COTL1: variants seen among roughly 807,000 people sequenced by gnomAD.
The protein encoded by COTL1 is coactosin-like protein.
Under a neutral mutation model 16.5 loss-of-function variants are expected in COTL1, and 15 were observed. The ratio of observed to expected loss-of-function variants is 0.91; its 90% CI spans 0.61 to 1.40. The LOEUF is 1.40. Among genes scored for constraint, COTL1 ranks in the 40% most tolerant of loss-of-function variants. The pLI is 0.00. For synonymous variants in COTL1, 112 were observed against 85.3 expected (o/e 1.31, Z -1.73); for missense variants, 220 against 201.5 (o/e 1.09, Z -0.56).
chr16:84,611,606 C>A (rs1465088655), intron 2 of COTL1, among the ~76,000 whole-genome samples: 2 of 152,218 alleles, frequency 1.3e-5, no homozygotes, highest in East Asian at 3.8e-4. Flanking sequence ...TCAGTGCCTA[C>A]AGTCGTGCCC....
At chr16:84,591,054 C>T (rs1349363066) in intron 2 of COTL1, among the ~76,000 whole-genome samples, 7 of 152,082 alleles carry the variant, frequency 4.6e-5, no homozygotes, top group Non-Finnish European at 1.0e-4. Flanking sequence ...CATTGATCCA[C>T]ATTAAGTTTT....
At chr16:84,568,142 C>G (rs975597139) in intron 3 of COTL1, 1 of 152,330 alleles carries the variant, frequency 6.6e-6, no homozygotes, top group East Asian at 1.9e-4. Flanking sequence ...GAACTACAGG[C>G]GTCTGCCACC....
At chr16:84,576,447 C>G (rs116541010) in intron 3 of COTL1, 1 of 152,156 alleles carries the variant, frequency 6.6e-6, no homozygotes, top group South Asian at 2.1e-4. Context: ...GTTCTTCCCA[C>G]GAACACACAT....
intron 2 of COTL1, among the ~76,000 whole-genome samples, chr16:84,609,596 C>G (rs1464776947): frequency 6.6e-6 from 1 of 152,246 alleles, no homozygotes; most frequent in African/African-American, 2.4e-5. Flanking sequence ...CTCTCCAGGT[C>G]AACCCAAAAT....
intron 2 of COTL1, among the ~76,000 whole-genome samples, chr16:84,607,533 A>G (rs1447796543): frequency 6.6e-6 from 1 of 152,166 alleles, no homozygotes; most frequent in African/African-American, 2.4e-5. Context: ...GAGAAGATAA[A>G]TTAGATAAAC....
intron 3 of COTL1, among the ~76,000 whole-genome samples, chr16:84,571,883 G>A (rs1904343111): frequency 6.6e-6 from 1 of 152,188 alleles, no homozygotes; most frequent in East Asian, 1.9e-4. Flanking sequence ...GGGCCCAGGT[G>A]GTCAGGCCGC....
intron 3 of COTL1, chr16:84,576,796 G>A (rs1825009302): frequency 1.3e-5 from 2 of 152,246 alleles, no homozygotes; most frequent in Non-Finnish European, 2.9e-5. Context: ...TGGGATCAGA[G>A]CATAGCTCTC....
rs757520613 is a variant in COTL1, at chr16:84,590,310, C to T, written c.161-48G>A. The T allele has an allele frequency of 2.5e-6, 4 of 1,594,480 alleles. No homozygotes were observed. The highest frequency in any genetic ancestry group is 3.4e-6 in the Non-Finnish European group (4 of 1,166,668). On this transcript the variant is annotated intron_variant, in intron 2 of 3. Coordinates refer to ENST00000262428, the MANE Select transcript of COTL1 (RefSeq NM_021149.5). The surrounding 1 kb of genome is among the most constrained non-coding windows in gnomAD (Gnocchi z 5.5). Reference sequence around the variant, plus strand: ...AACATGGTGCTGCGTTAAAACACCCCCATGTCATGTCCCTGGGGAGAGGCT... The same window carrying T: ...AACATGGTGCTGCGTTAAAACACCCTCATGTCATGTCCCTGGGGAGAGGCT...
At chr16:84,604,220 A>G (rs1432175753) in intron 2 of COTL1, among the ~76,000 whole-genome samples, 9 of 67,208 alleles carry the variant, frequency 1.3e-4, no homozygotes, top group Non-Finnish European at 5.7e-5. Context: ...CACCGGCCAT[A>G]GCCCTCATGC....
At chr16:84,576,544 G>A (rs190102081) in intron 3 of COTL1, 1 of 152,196 alleles carries the variant, frequency 6.6e-6, no homozygotes, top group African/African-American at 2.4e-5. Context: ...GACAGACTGA[G>A]AATAGAAAAA....
chr16:84,617,345 G>A (rs945689414), intron 2 of COTL1, among the ~76,000 whole-genome samples, 156 bp downstream of exon 2: 3 of 152,196 alleles, frequency 2.0e-5, no homozygotes, highest in Admixed American at 6.5e-5. Context: ...GGTTTTATGA[G>A]GCCTTAAAAC....
intron 3 of COTL1, among the ~76,000 whole-genome samples, chr16:84,588,499 T>G (rs969430545): frequency 1.3e-5 from 2 of 152,144 alleles, no homozygotes; most frequent in African/African-American, 4.8e-5. Flanking sequence ...TAGCCTATTT[T>G]TTTGTTTGTT....
intron 2 of COTL1, among the ~76,000 whole-genome samples, chr16:84,614,295 G>C (rs565266111): frequency 1.7e-4 from 26 of 152,220 alleles, no homozygotes; most frequent in Admixed American, 3.3e-4. Context: ...AGGCAAGCTC[G>C]GGAAGAAGCA....
chr16:84,600,171 A>C (rs1045371721), intron 2 of COTL1, among the ~76,000 whole-genome samples: 1 of 152,188 alleles, frequency 6.6e-6, no homozygotes, highest in Admixed American at 6.5e-5. Context: ...GTTGACAAAA[A>C]CAAAACCAAA....
At chr16:84,580,621 T>A (rs1378560979) in intron 3 of COTL1, among the ~76,000 whole-genome samples, 1 of 152,042 alleles carries the variant, frequency 6.6e-6, no homozygotes, top group Non-Finnish European at 1.5e-5. Context: ...AGCCCCACAT[T>A]TAAAGTGGCC....
chr16:84,589,409 G>A (rs984520427), intron 3 of COTL1, among the ~76,000 whole-genome samples: 6 of 152,306 alleles, frequency 3.9e-5, no homozygotes, highest in South Asian at 2.1e-4. Context: ...CTGAAGGGAC[G>A]TGTAACACAC....
chr16:84,586,007 C>A (rs558313411), intron 3 of COTL1, among the ~76,000 whole-genome samples: 40 of 152,266 alleles, frequency 2.6e-4, no homozygotes, highest in African/African-American at 9.4e-4. Flanking sequence ...CCTCCCTGCC[C>A]AAAGGCGTGT....
intron 2 of COTL1, among the ~76,000 whole-genome samples, chr16:84,591,667 C>CA (rs1904867955): frequency 3.8e-5 from 3 of 79,142 alleles, no homozygotes; most frequent in African/African-American, 1.4e-4. Flanking sequence ...AAAAAAAAAC[C>CA]AAAAAATTAG....
At position 84,567,080 on chromosome 16, in the gene COTL1, T is replaced by G. The variant is rs372133436; in HGVS notation, c.319-125A>C. The G allele has an allele frequency of 2.1e-4, 133 of 643,184 alleles. No individual in the cohort carries two copies. The East Asian group carries it at 2.3e-3, about 11-fold the overall frequency. 39.8% of individuals were successfully genotyped at this position (643,184 alleles called of 1,614,324 possible). A position where few individuals can be genotyped will look rare whatever the true frequency, so the allele number is the denominator to read the frequency against. On this transcript the variant is annotated intron_variant, in intron 3 of 3. Transcript: ENST00000262428. ...CCTGATGAGAGATGGAAATGGAAAT[T>G]CAGCAGCAGAGTCAGTCAATGGAAA...
Sources: gnomAD v4.1 joint callset for allele counts (sites outside exome capture counted in the v4.1 genomes callset) on GRCh38, gnomAD v4.1.1 for gene constraint, Gnocchi (gnomAD v3.1) non-coding constraint, MANE v1.5 for transcripts, NCBI Gene and HGNC (gene_info 2026-07-23, HGNC 2026-07-21) for gene names.